Variants in SCYL2 observed in about 807,000 individuals in gnomAD.
The protein encoded by SCYL2 is SCY1 like pseudokinase 2.
SCYL2 carries 36 observed loss-of-function variants against 100.4 expected under a neutral mutation model. The observed-to-expected ratio is 0.36, with a 90% CI of 0.27 to 0.47. The LOEUF is 0.47. Ranked by LOEUF, SCYL2 falls within the 20% of genes least tolerant of loss-of-function variation. The pLI is 1.00. For synonymous variants in SCYL2, 330 were observed against 359.2 expected (o/e 0.92, Z 0.92); for missense variants, 902 against 1,083.9 (o/e 0.83, Z 2.36).
chr12:100,272,567 C>T (rs1262276679), intron 1 of SCYL2, among the ~76,000 whole-genome samples: 1 of 152,090 alleles, frequency 6.6e-6, no homozygotes, highest in Non-Finnish European at 1.5e-5. Context: ...TGTCTAAAAA[C>T]CTATTAGATA....
intron 1 of SCYL2, among the ~76,000 whole-genome samples, chr12:100,271,697 G>A (rs1030343882): frequency 1.3e-5 from 2 of 152,082 alleles, no homozygotes; most frequent in Non-Finnish European, 1.5e-5. Flanking sequence ...ATGTAATTAC[G>A]GTAAGCCTTT....
chr12:100,314,137 C>T (rs1420222544), intron 7 of SCYL2, among the ~76,000 whole-genome samples: 1 of 152,184 alleles, frequency 6.6e-6, no homozygotes, highest in Non-Finnish European at 1.5e-5. Context: ...CTCGGCCTCC[C>T]GAAGTGTTGG....
At chr12:100,288,059 G>C (rs1033879103) in intron 2 of SCYL2, among the ~76,000 whole-genome samples, 7 of 152,146 alleles carry the variant, frequency 4.6e-5, no homozygotes, top group Admixed American at 2.0e-4. Flanking sequence ...AGTAGTAAAA[G>C]AAAAATGAAA....
At chr12:100,325,760 A>G (rs1417523898) in intron 11 of SCYL2, among the ~76,000 whole-genome samples, 1 of 152,158 alleles carries the variant, frequency 6.6e-6, no homozygotes, top group Non-Finnish European at 1.5e-5. Context: ...AAATATATAT[A>G]TATCTCAGTA....
At chr12:100,284,148 A>AT (rs2096301937) in intron 2 of SCYL2, among the ~76,000 whole-genome samples, 1 of 152,186 alleles carries the variant, frequency 6.6e-6, no homozygotes, top group African/African-American at 2.4e-5. Context: ...AAAATTAGAC[A>AT]TTTTTATTAA....
chr12:100,270,111 C>T (rs959215273), intron 1 of SCYL2, among the ~76,000 whole-genome samples: 6 of 151,858 alleles, frequency 4.0e-5, no homozygotes, highest in Non-Finnish European at 7.4e-5. Flanking sequence ...CTCAGCCTCC[C>T]GAGTAGCTGG....
chr12:100,313,023 G>A (rs1230375358), intron 6 of SCYL2, among the ~76,000 whole-genome samples: 1 of 152,204 alleles, frequency 6.6e-6, no homozygotes, highest in Non-Finnish European at 1.5e-5. Flanking sequence ...TACTTGGAAG[G>A]CCGATCAGGG....
chr12:100,268,445 T>A (rs1288897696), intron 1 of SCYL2, among the ~76,000 whole-genome samples: 5 of 152,200 alleles, frequency 3.3e-5, no homozygotes, highest in South Asian at 4.1e-4. Context: ...CAAATATTTT[T>A]AAAATATTTA....
At position 100,334,249 on chromosome 12, in the gene SCYL2, A is replaced by G. The variant is rs35049317; in HGVS notation, c.1845A>G (p.Ile615Met). 6.3e-4 allele frequency: 994 copies of G among 1,589,034 alleles called. 10 individuals are homozygous for G. In the African/African-American group the frequency reaches 0.011, roughly 18 times the overall value. Reference protein sequence around the residue: ...EHKTKLEQLHIMQEQQKSLDI... With the variant: ...EHKTKLEQLHMMQEQQKSLDI... ...AGACTAAACTGGAGCAACTTCATAT[A>G]ATGCAAGAACAGCAGAAGTAAGTAG... Residue 615 changes from isoleucine (I) to methionine (M), a missense_variant, in exon 14 of 18, where the codon ATA (isoleucine) becomes ATG (methionine). Transcript: ENST00000360820.
intron 1 of SCYL2, among the ~76,000 whole-genome samples, chr12:100,270,499 C>T (rs1335904200): frequency 2.0e-5 from 3 of 152,032 alleles, no homozygotes; most frequent in Non-Finnish European, 2.9e-5. Context: ...CTATAGTTCA[C>T]TAAATACATG....
chr12:100,280,797 A>G (rs1015571950), intron 1 of SCYL2, among the ~76,000 whole-genome samples: 1 of 152,082 alleles, frequency 6.6e-6, no homozygotes, highest in Non-Finnish European at 1.5e-5. Context: ...AGCATCCAAC[A>G]TCTGAAAAAA....
chr12:100,281,833 CAAAAAAA>C (rs550669839), intron 1 of SCYL2, among the ~76,000 whole-genome samples: 2 of 59,366 alleles, frequency 3.4e-5, no homozygotes, highest in African/African-American at 6.3e-5. Flanking sequence ...GACTCCGTCT[CAAAAAAA>C]AAAAAAAAAA....
At chr12:100,330,036 G>A (rs750665160) in intron 13 of SCYL2, among the ~76,000 whole-genome samples, 1 of 152,168 alleles carries the variant, frequency 6.6e-6, no homozygotes, top group Non-Finnish European at 1.5e-5. Context: ...CTGTGCCATA[G>A]TCTGTTGCTT....
At chr12:100,280,485 A>G (rs1467351450) in intron 1 of SCYL2, among the ~76,000 whole-genome samples, 1 of 152,214 alleles carries the variant, frequency 6.6e-6, no homozygotes, top group Non-Finnish European at 1.5e-5. Flanking sequence ...AAAAGTCTTC[A>G]TGTAACCCTA....
chr12:100,332,600 C>T (rs940048071), intron 13 of SCYL2, among the ~76,000 whole-genome samples: 1 of 151,992 alleles, frequency 6.6e-6, no homozygotes, highest in East Asian at 1.9e-4. Context: ...AACTATGCTG[C>T]TAGAAGTCAG....
In SCYL2 at chr12:100,294,919, G is replaced by T. The variant is rs1393003954; in HGVS notation, c.336-3112G>T. 4.5e-4 allele frequency among the ~76,000 whole-genome samples: 69 copies of T among 151,666 alleles called. No individual in the cohort carries two copies. In the Middle Eastern group the frequency reaches 0.01, roughly 23 times the overall value. ...TCTCAGACGGGGCGGCTGCTGGGCG[G>T]AGGGGCTCCTCACTTCTCAGACGGG... On this transcript the variant is annotated intron_variant, in intron 3 of 17. Transcript: ENST00000360820.
At chr12:100,321,142 C>T (rs2096355340) in intron 10 of SCYL2, among the ~76,000 whole-genome samples, 1 of 152,146 alleles carries the variant, frequency 6.6e-6, no homozygotes, top group South Asian at 2.1e-4. Context: ...ATTAATAGTT[C>T]TGAGTGGATA....
intron 1 of SCYL2, among the ~76,000 whole-genome samples, chr12:100,269,749 A>G (rs1259178678): frequency 6.6e-6 from 1 of 152,138 alleles, no homozygotes; most frequent in Non-Finnish European, 1.5e-5. Context: ...TTAACCATGT[A>G]ACTTAATTTT....
At chr12:100,291,723 A>G (rs1184511925) in intron 3 of SCYL2, 63 bp downstream of exon 3, 13 of 1,446,438 alleles carry the variant, frequency 9.0e-6, no homozygotes, top group East Asian at 2.5e-5. Flanking sequence ...ATAATTTTAT[A>G]TTTGAAATCT....
Sources: gnomAD v4.1 joint callset for allele counts (sites outside exome capture counted in the v4.1 genomes callset) on GRCh38, gnomAD v4.1.1 for gene constraint, MANE v1.5 for transcripts, NCBI Gene and HGNC (gene_info 2026-07-23, HGNC 2026-07-21) for gene names.